STAU1: variants seen among roughly 807,000 people sequenced by gnomAD.
The protein encoded by STAU1 is staufen double-stranded RNA binding protein 1.
Under a neutral mutation model 62.9 loss-of-function variants are expected in STAU1, and 13 were observed. That is an observed-to-expected ratio of 0.21 (90% CI 0.13 to 0.33). The LOEUF is 0.33. Ranked by LOEUF, STAU1 falls within the 10% of genes least tolerant of loss-of-function variation. STAU1 has a pLI of 1.00. For synonymous variants in STAU1, 269 were observed against 265.1 expected, an observed-to-expected ratio of 1.01 and a Z score of -0.14; for missense variants, 571 against 712.1, an observed-to-expected ratio of 0.80 and a Z score of 2.25.
the STAU1 span, among the ~76,000 whole-genome samples, chr20:49,211,379 TC>T: frequency 8.4e-3 from 1,221 of 146,206 alleles, 19 homozygotes; most frequent in African/African-American, 0.015. Context: ...TTTTTTTTTT[TC>T]TTTTAATAGA....
intron 5 of STAU1, among the ~76,000 whole-genome samples, chr20:49,148,576 C>T (rs1306262031): frequency 6.6e-6 from 1 of 152,204 alleles, no homozygotes; most frequent in Admixed American, 6.5e-5. Context: ...GTCTTTAAGC[C>T]ATTTCTGACA....
the STAU1 span, among the ~76,000 whole-genome samples, chr20:49,208,650 C>G: frequency 6.7e-6 from 1 of 149,738 alleles, no homozygotes; most frequent in Non-Finnish European, 1.5e-5. Context: ...GACAGAGTCT[C>G]GCTCTGTCGC....
At chr20:49,145,103 C>T (rs1370941755) in intron 5 of STAU1, among the ~76,000 whole-genome samples, 1 of 152,170 alleles carries the variant, frequency 6.6e-6, no homozygotes, top group Non-Finnish European at 1.5e-5. Context: ...CAATATCATT[C>T]CTTAAAGAGC....
At chr20:49,184,229 G>A (rs1024994687) in intron 1 of STAU1, among the ~76,000 whole-genome samples, 4 of 151,956 alleles carry the variant, frequency 2.6e-5, no homozygotes, top group South Asian at 4.1e-4. Context: ...GCAGTAAGCC[G>A]AGACTGCACC....
At chr20:49,161,231 G>A (rs1770551284) in intron 3 of STAU1, among the ~76,000 whole-genome samples, 1 of 151,940 alleles carries the variant, frequency 6.6e-6, no homozygotes, top group African/African-American at 2.4e-5. Flanking sequence ...GGAGGCCAAG[G>A]TGGGAGGATT....
the STAU1 span, among the ~76,000 whole-genome samples, chr20:49,205,885 G>C: frequency 5.3e-5 from 8 of 150,936 alleles, no homozygotes; most frequent in Admixed American, 2.7e-4. Flanking sequence ...TGTTGGTCAG[G>C]CTGGTCTCAA....
the STAU1 span, among the ~76,000 whole-genome samples, chr20:49,196,292 C>T: frequency 3.3e-5 from 5 of 151,450 alleles, no homozygotes; most frequent in South Asian, 2.1e-4. Context: ...AAAAATTAGC[C>T]GGGCAAGGTG....
the STAU1 span, among the ~76,000 whole-genome samples, chr20:49,203,406 G>A: frequency 1.3e-5 from 2 of 152,068 alleles, no homozygotes; most frequent in Non-Finnish European, 2.9e-5. Context: ...GAAACCAAAA[G>A]TGATCTCTTT....
chr20:49,129,826 C>T (rs983181237), intron 6 of STAU1, among the ~76,000 whole-genome samples: 11 of 151,894 alleles, frequency 7.2e-5, no homozygotes, highest in African/African-American at 2.2e-4. Context: ...CGAGGTTTCA[C>T]CATGTTGGCC....
chr20:49,139,893 T>C (rs1424578163), intron 5 of STAU1, among the ~76,000 whole-genome samples: 3 of 151,626 alleles, frequency 2.0e-5, no homozygotes, highest in Non-Finnish European at 2.9e-5. Flanking sequence ...AAAAATAAAA[T>C]AGAAAATGGG....
At chr20:49,142,093 T>G (rs1181646236) in intron 5 of STAU1, among the ~76,000 whole-genome samples, 1 of 150,320 alleles carries the variant, frequency 6.7e-6, no homozygotes. Flanking sequence ...ATTTATTTTT[T>G]ATTTTGTTTT....
chr20:49,142,479 A>G (rs1483208539), intron 5 of STAU1, among the ~76,000 whole-genome samples: 2 of 152,146 alleles, frequency 1.3e-5, no homozygotes, highest in Non-Finnish European at 2.9e-5. Context: ...TAAGACTGAT[A>G]GAAAACAATG....
intron 6 of STAU1, among the ~76,000 whole-genome samples, chr20:49,126,032 T>C (rs1020821922): frequency 1.4e-4 from 21 of 152,050 alleles, no homozygotes; most frequent in Middle Eastern, 6.8e-3. Flanking sequence ...GTTAGCTGCA[T>C]ATTAAAGTGA....
intron 3 of STAU1, among the ~76,000 whole-genome samples, chr20:49,165,088 A>C (rs576221923): frequency 6.6e-6 from 1 of 152,280 alleles, no homozygotes; most frequent in Non-Finnish European, 1.5e-5. Flanking sequence ...CTTGTTGCCC[A>C]GGCTGGAGTG....
Position 49,114,887 on chromosome 20 carries a change from C to T in STAU1, c.1725G>A (p.Gly575=), listed in dbSNP as rs1490349608. ...RTGNGPMSVC[G]RC ...CATGGCCAGAAAAGGTTCAGCACCT[C>T]CCACACCTTTAAGGAAGAAAAATGA... The change falls in exon 14 of 14, where the codon GGG becomes GGA. Residue 575 remains glycine (G), a synonymous_variant. Coordinates refer to ENST00000371856, the MANE Select transcript of STAU1 (RefSeq NM_017453.4). 4 of 1,613,404 alleles carry T rather than the reference C, an allele frequency of 2.5e-6. No homozygotes were observed. Among genetic ancestry groups the T allele is most frequent in the Admixed American group, 1.7e-5 (1 of 59,966 alleles).
At chr20:49,197,630 G>A in the STAU1 span, among the ~76,000 whole-genome samples, 2 of 151,944 alleles carry the variant, frequency 1.3e-5, no homozygotes, top group African/African-American at 2.4e-5. Flanking sequence ...TCGAACTCCC[G>A]ACCTCACGTG....
intron 6 of STAU1, among the ~76,000 whole-genome samples, chr20:49,126,665 C>T (rs948599599): frequency 2.1e-5 from 3 of 145,320 alleles, no homozygotes; most frequent in African/African-American, 7.7e-5. Context: ...AAGACTTACA[C>T]TACCAGATTT....
At chr20:49,181,628 T>C (rs576969188) in intron 1 of STAU1, among the ~76,000 whole-genome samples, 27 of 151,130 alleles carry the variant, frequency 1.8e-4, no homozygotes, top group African/African-American at 6.3e-4. Flanking sequence ...TAGCCGGGCG[T>C]GGTGGTGCTC....
intron 2 of STAU1, among the ~76,000 whole-genome samples, chr20:49,172,220 AT>A (rs2093606315): frequency 6.6e-6 from 1 of 152,226 alleles, no homozygotes; most frequent in South Asian, 2.1e-4. Context: ...GATTTTCATT[AT>A]TTTCATCCTA....
Sources: allele counts gnomAD v4.1 joint callset (sites outside exome capture counted in the v4.1 genomes callset), GRCh38; gene constraint gnomAD v4.1.1; transcripts MANE v1.5; gene names NCBI Gene and HGNC (gene_info 2026-07-23, HGNC 2026-07-21).